The following ABCB1 variants were observed in gnomAD, a reference collection of about 807,000 sequenced individuals.
The protein encoded by ABCB1 is ATP binding cassette subfamily B member 1, also known as ATP-dependent translocase ABCB1.
Under a neutral mutation model 142.0 loss-of-function variants are expected in ABCB1, and 69 were observed. That is an observed-to-expected ratio of 0.49 (90% CI 0.40 to 0.59). The LOEUF (loss-of-function observed/expected upper bound fraction) is 0.59, where lower values mean the gene tolerates loss of function less well. ABCB1 is among the 20% of genes least tolerant of loss of function. The pLI is 0.00. For synonymous variants in ABCB1, 532 were observed against 539.2 expected (o/e 0.99, Z 0.18); for missense variants, 1,326 against 1,554.7 (o/e 0.85, Z 2.47).
chr7:87,622,864 C>T (rs1820274622), intron 1 of ABCB1, among the ~76,000 whole-genome samples: 1 of 151,854 alleles, frequency 6.6e-6, no homozygotes, highest in Admixed American at 6.6e-5. Context: ...GACCTTGTCT[C>T]AGTAAAACAT....
At position 87,546,023 on chromosome 7, in the gene ABCB1, G is replaced by C. The variant is rs1169358648; in HGVS notation, c.1727C>G (p.Ala576Gly). 3.7e-6 allele frequency: 6 copies of C among 1,614,008 alleles called. No individual in the cohort carries two copies. The highest frequency in any genetic ancestry group is 5.1e-6 in the Non-Finnish European group (6 of 1,179,960). ...EAVVQVALDK[A>G]RKGRTTIVIA... ...CACAATGGTGGTCCGACCTTTTCTG[G>C]CCTAAAGAGAGAGAAATTTGGTTTT... is the stretch of plus-strand genomic sequence containing the variant. Residue 576 changes from alanine (A) to glycine (G), a missense_variant and splice_region_variant, in exon 15 of 28, where the codon GCC becomes GGC. Transcript: ENST00000622132.
intron 8 of ABCB1, among the ~76,000 whole-genome samples, chr7:87,560,962 A>G (rs1817540222): frequency 6.6e-6 from 1 of 152,244 alleles, no homozygotes. Context: ...AGTCAATATT[A>G]GAGAATCACT....
At chr7:87,709,416 A>G (rs958805020) in intron 1 of ABCB1, 28 of 985,250 alleles carry the variant, frequency 2.8e-5, no homozygotes, top group Non-Finnish European at 3.4e-5. Context: ...CCTCTGTTCC[A>G]ATCAGCTACA....
At position 87,566,141 on chromosome 7, in the gene ABCB1, C is replaced by G; in HGVS notation, c.631G>C (p.Gly211Arg). ...AAAATCACAAGGGTTAGCTTCCAAC[C>G]ACGTGTAAATCCTACTATAAACCCA... ...FTGFIVGFTR[G>R]WKLTLVILAI... The change falls in exon 7 of 28, where the codon GGT (glycine) becomes CGT (arginine). Residue 211 changes from glycine (G) to arginine (R), a missense_variant. Physicochemically the swap from Gly to Arg is moderately radical, Grantham distance 125. Coordinates refer to ENST00000622132, the MANE Select transcript of ABCB1 (RefSeq NM_001348946.2). 1.2e-6 allele frequency: 2 copies of G among 1,614,118 alleles called. No individual in the cohort carries two copies. The highest frequency in any genetic ancestry group is 1.7e-6 in the Non-Finnish European group (2 of 1,180,010).
intron 14 of ABCB1, 116 bp downstream of exon 14, chr7:87,549,232 G>T: frequency 8.5e-7 from 1 of 1,181,336 alleles, no homozygotes; most frequent in Non-Finnish European, 1.2e-6. Context: ...AATAGCTGAA[G>T]GAATCACCTA....
intron 1 of ABCB1, among the ~76,000 whole-genome samples, chr7:87,651,456 C>G (rs770619677): frequency 9.2e-5 from 14 of 152,034 alleles, no homozygotes; most frequent in Non-Finnish European, 1.5e-4. Flanking sequence ...AAGCTATACT[C>G]TCTGAATTTT....
intron 1 of ABCB1, among the ~76,000 whole-genome samples, chr7:87,649,772 T>C (rs1823389230): frequency 1.3e-5 from 2 of 152,188 alleles, no homozygotes; most frequent in African/African-American, 2.4e-5. Context: ...TGGGAGGGAC[T>C]CAGTGGTAGG....
chr7:87,635,499 G>C (rs2046541666), intron 1 of ABCB1, among the ~76,000 whole-genome samples: 1 of 151,842 alleles, frequency 6.6e-6, no homozygotes, highest in African/African-American at 2.4e-5. Context: ...TTTTTCTCAT[G>C]CAGCTGTTAG....
In ABCB1 at chr7:87,546,014, C is replaced by A. The variant is rs1816764933; in HGVS notation, c.1736G>T (p.Gly579Val). ...ATGAGCTATCACAATGGTGGTCCGA[C>A]CTTTTCTGGCCTAAAGAGAGAGAAA... ...VQVALDKARK[G>V]RTTIVIAHRL... Residue 579 changes from glycine (G) to valine (V), a missense_variant, in exon 15 of 28, where the codon GGT becomes GTT. By Grantham distance (109) the Gly-to-Val change is moderately radical. Transcript: ENST00000622132. 1.2e-6 allele frequency: 2 copies of A among 1,614,064 alleles called. No individual in the cohort carries two copies. The highest frequency in any genetic ancestry group is 1.7e-6 in the Non-Finnish European group (2 of 1,179,984).
chr7:87,627,919 T>G (rs1820767860), intron 1 of ABCB1: 1 of 152,304 alleles, frequency 6.6e-6, no homozygotes, highest in Admixed American at 6.5e-5. Context: ...AGAAGGAGAT[T>G]CTACGAGCAA....
intron 7 of ABCB1, chr7:87,564,251 T>C (rs2129796835): frequency 2.7e-6 from 1 of 365,576 alleles, no homozygotes; most frequent in South Asian, 2.3e-5. Context: ...ATAGTATTGG[T>C]CTACTTTTGT....
At chr7:87,594,710 T>TA (rs538907908) in intron 3 of ABCB1, among the ~76,000 whole-genome samples, 3 of 152,100 alleles carry the variant, frequency 2.0e-5, no homozygotes, top group Non-Finnish European at 2.9e-5. Flanking sequence ...AGAGATAGAA[T>TA]AAAAGCAGGA....
intron 1 of ABCB1, chr7:87,650,886 T>C (rs1823506821): frequency 6.2e-7 from 1 of 1,613,250 alleles, no homozygotes; most frequent in Non-Finnish European, 8.5e-7. Flanking sequence ...TTCTCCTGAA[T>C]TTAACAATTT....
At chr7:87,515,119 G>C (rs1214470418) in intron 25 of ABCB1, 112 bp downstream of exon 25, 1 of 1,342,074 alleles carries the variant, frequency 7.5e-7, no homozygotes, top group East Asian at 2.5e-5. Flanking sequence ...TTATCCAAGT[G>C]GGACTGTTGT....
rs1012143411 is a variant in ABCB1 at position 87,680,775 on chromosome 7, A to G, written c.-331+32386T>C. On this transcript the variant is annotated intron_variant, in intron 1 of 28. Transcript: ENST00000265724. ...GCGCCATTGCACTCCAGCTTGGGCAAGGAGTGAAACTCCATCTCAAAAAAA... is the reference window on the plus strand; with the variant it reads ...GCGCCATTGCACTCCAGCTTGGGCAGGGAGTGAAACTCCATCTCAAAAAAA... 1.3e-5 allele frequency among the ~76,000 whole-genome samples: 2 copies of G among 150,238 alleles called. 1 individual carries two copies. Among genetic ancestry groups the G allele is most frequent in the African/African-American group, 5.0e-5 (2 of 40,374 alleles).
chr7:87,694,185 C>G (rs1285418988), intron 1 of ABCB1: 1 of 328,376 alleles, frequency 3.0e-6, no homozygotes, highest in Non-Finnish European at 4.4e-6. Context: ...ATATAATAAC[C>G]TATTTACTTT....
chr7:87,608,718 G>A lies in ABCB1; in HGVS notation c.-330-7640C>T, dbSNP rs191903736. ...ACTTTGAACTTGTTTAATCTCAAATGAACTCTCTCCCAGGAGCAAGGTCAA... is the reference window on the plus strand; with the variant it reads ...ACTTTGAACTTGTTTAATCTCAAATAAACTCTCTCCCAGGAGCAAGGTCAA... On this transcript the variant is annotated intron_variant, in intron 1 of 28. Transcript: ENST00000265724. 1.6e-4 allele frequency among the ~76,000 whole-genome samples: 24 copies of A among 152,124 alleles called. No homozygotes were observed. The East Asian group carries it at 4.4e-3, about 28-fold the overall frequency.
intron 1 of ABCB1, among the ~76,000 whole-genome samples, chr7:87,707,369 T>C (rs1829695613): frequency 6.6e-6 from 1 of 152,120 alleles, no homozygotes; most frequent in Non-Finnish European, 1.5e-5. Context: ...ATAAAATTAC[T>C]AGATTATTGG....
chr7:87,704,822 C>T (rs1829445924), intron 1 of ABCB1, among the ~76,000 whole-genome samples: 1 of 152,144 alleles, frequency 6.6e-6, no homozygotes, highest in South Asian at 2.1e-4. Context: ...ATGAAAAGAG[C>T]AGTTTACTTA....
Sources: allele counts gnomAD v4.1 joint callset (sites outside exome capture counted in the v4.1 genomes callset), GRCh38; gene constraint gnomAD v4.1.1; transcripts MANE v1.5; gene names NCBI Gene and HGNC (gene_info 2026-07-23, HGNC 2026-07-21).